The following FANCA variants were observed in gnomAD, a reference collection of about 807,000 sequenced individuals.
The protein encoded by FANCA is Fanconi anemia group A protein.
In FANCA, 236 loss-of-function variants were observed where a neutral mutation model predicts 194.3. The observed-to-expected ratio is 1.21, with a 90% confidence interval of 1.09 to 1.35. The LOEUF is 1.35. FANCA is among the 40% of genes most tolerant of loss of function. The pLI is 0.00. For synonymous variants in FANCA, 1,014 were observed against 715.8 expected, an observed-to-expected ratio of 1.42 and a Z score of -6.65; for missense variants, 2,628 against 1,813.9, an observed-to-expected ratio of 1.45 and a Z score of -8.15.
intron 21 of FANCA, among the ~76,000 whole-genome samples, chr16:89,775,240 G>C (rs1010692573): frequency 6.6e-6 from 1 of 152,140 alleles, no homozygotes; most frequent in African/African-American, 2.4e-5. Context: ...ACTGCTGCCT[G>C]AGTGCAGCCT....
At chr16:89,801,619 G>A (rs953686854) in intron 8 of FANCA, among the ~76,000 whole-genome samples, 1 of 152,126 alleles carries the variant, frequency 6.6e-6, no homozygotes, top group Non-Finnish European at 1.5e-5. Flanking sequence ...ACCAGGCATG[G>A]TGGATCACAT....
chr16:89,763,321 A>G (rs558339746), intron 28 of FANCA, among the ~76,000 whole-genome samples: 57 of 152,270 alleles, frequency 3.7e-4, no homozygotes, highest in African/African-American at 1.3e-3. Context: ...CACACTTGCA[A>G]TCTCAACATA....
rs1467038405 is a variant in FANCA at position 89,767,136 on chromosome 16, C to T, written c.2601+5G>A. On this transcript the variant is annotated splice_donor_5th_base_variant and intron_variant, in intron 27 of 42. Coordinates refer to ENST00000389301, the MANE Select transcript of FANCA (RefSeq NM_000135.4). ...AATGGAAAAATAGGAAAAGAGTGAA[C>T]CTACCTTTTTAATAAGGCCTGGAGA... 4 of 1,603,716 alleles carry T rather than the reference C, an allele frequency of 2.5e-6. No individual in the cohort carries two copies. The highest frequency in any genetic ancestry group is 2.6e-6 in the Non-Finnish European group (3 of 1,170,618).
intron 32 of FANCA, 139 bp downstream of exon 32, chr16:89,749,591 A>G: frequency 9.0e-7 from 1 of 1,108,052 alleles, no homozygotes; most frequent in Non-Finnish European, 1.3e-6. Flanking sequence ...TGTGCCACAG[A>G]AATGGACAGG....
chr16:89,797,984 T>C (rs1218204291), intron 10 of FANCA, among the ~76,000 whole-genome samples: 1 of 152,166 alleles, frequency 6.6e-6, no homozygotes. Context: ...TCTCAGGACA[T>C]CAGTGTGAGT....
chr16:89,807,396 G>C (rs953060588), intron 6 of FANCA, among the ~76,000 whole-genome samples: 1 of 151,816 alleles, frequency 6.6e-6, no homozygotes, highest in African/African-American at 2.4e-5. Flanking sequence ...GGAGGTTGCA[G>C]CGAGCCCAGA....
At chr16:89,775,037 C>A (rs1229316517) in intron 21 of FANCA, among the ~76,000 whole-genome samples, 2 of 151,762 alleles carry the variant, frequency 1.3e-5, no homozygotes, top group Non-Finnish European at 1.5e-5. Context: ...GAGGTTTCAG[C>A]GAGCCAAAAT....
chr16:89,773,213 G>C, intron 22 of FANCA, 58 bp downstream of exon 22: 1 of 1,357,880 alleles, frequency 7.4e-7, no homozygotes, highest in Non-Finnish European at 1.0e-6. Flanking sequence ...CCCAGCCACA[G>C]AGCTCCAACC....
chr16:89,798,673 C>G, intron 10 of FANCA: 1 of 1,270,234 alleles, frequency 7.9e-7, no homozygotes, highest in African/African-American at 1.5e-5. Flanking sequence ...CACATCTCCA[C>G]AGAGCCATGG....
intron 23 of FANCA, among the ~76,000 whole-genome samples, chr16:89,770,992 C>G (rs2039304926): frequency 6.6e-6 from 1 of 152,070 alleles, no homozygotes; most frequent in African/African-American, 2.4e-5. Context: ...TGATGAAACC[C>G]TGTCTTTACT....
chr16:89,738,085 C>A lies in FANCA; in HGVS notation c.*516G>T. On this transcript the variant is annotated 3_prime_UTR_variant, in exon 43 of 43. Coordinates refer to ENST00000389301, the MANE Select transcript of FANCA (RefSeq NM_000135.4). ...CTTTGCCTGTGACCAGTGTGGCCGG[C>A]GGTTTGAGAAGGCCCACAACCTCAA... 6.2e-7 allele frequency: 1 copy of A among 1,614,060 alleles called. No homozygotes were observed. Among genetic ancestry groups the A allele is most frequent in the Non-Finnish European group, 8.5e-7 (1 of 1,180,032 alleles).
chr16:89,778,502 C>T (rs1419293703), intron 20 of FANCA: 1 of 371,400 alleles, frequency 2.7e-6, no homozygotes, highest in African/African-American at 2.2e-5. Flanking sequence ...CAGGCACAGG[C>T]TTGTAATCCC....
intron 21 of FANCA, among the ~76,000 whole-genome samples, chr16:89,775,338 C>T (rs2039464037): frequency 6.6e-6 from 1 of 152,334 alleles, no homozygotes; most frequent in East Asian, 1.9e-4. Context: ...TCTACTCCTA[C>T]CTGCACTGTG....
intron 17 of FANCA, among the ~76,000 whole-genome samples, chr16:89,782,461 A>T (rs1375439280): frequency 6.6e-6 from 1 of 151,664 alleles, no homozygotes; most frequent in Non-Finnish European, 1.5e-5. Context: ...CAGTGAGCCG[A>T]GATTGCGCCA....
chr16:89,739,601 T>C (rs1477414705), intron 39 of FANCA, 48 bp from the exon 40 acceptor site: 1 of 1,541,368 alleles, frequency 6.5e-7, no homozygotes, highest in Middle Eastern at 1.7e-4. Flanking sequence ...TCTCTGCCTA[T>C]TATCAGTGCT....
chr16:89,762,057 G>A (rs1181366439), intron 28 of FANCA, 35 bp from the exon 29 acceptor site: 3 of 1,516,688 alleles, frequency 2.0e-6, no homozygotes, highest in South Asian at 1.1e-5. Flanking sequence ...ATACAATGAG[G>A]ACAGAACACA....
chr16:89,776,293 G>A (rs1335219736), intron 20 of FANCA, among the ~76,000 whole-genome samples: 2 of 145,952 alleles, frequency 1.4e-5, no homozygotes, highest in African/African-American at 5.0e-5. Flanking sequence ...TCACCCTCCC[G>A]AGTAGGTGGG....
In FANCA at chr16:89,764,929, G is replaced by C. The variant is rs1390876848; in HGVS notation, c.2739C>G (p.His913Gln). The C allele has an allele frequency of 3.7e-6, 6 of 1,614,104 alleles. No homozygotes were observed. Among genetic ancestry groups the C allele is most frequent in the African/African-American group, 2.7e-5 (2 of 74,950 alleles). The part of the protein sequence containing the change: ...WQRAALSLWT[H>Q]RTFREVLKEE... The stretch of plus-strand genomic sequence containing the variant: ...CTTTCAACACCTCTCGGAAGGTTCT[G>C]TGTGTCCAGAGAGAGAGGGCAGCTC... Residue 913 changes from histidine (H) to glutamine (Q), a missense_variant, in exon 28 of 43, where the codon CAC becomes CAG. Coordinates refer to ENST00000389301, the MANE Select transcript of FANCA (RefSeq NM_000135.4).
chr16:89,789,100 TA>T (rs1315590665), intron 14 of FANCA, among the ~76,000 whole-genome samples: 2 of 151,886 alleles, frequency 1.3e-5, no homozygotes, highest in East Asian at 3.9e-4. Flanking sequence ...AGCGCCTCAC[TA>T]AAAGGACAGA....
Sources: allele counts gnomAD v4.1 joint callset (sites outside exome capture counted in the v4.1 genomes callset), GRCh38; gene constraint gnomAD v4.1.1; transcripts MANE v1.5; gene names NCBI Gene and HGNC (gene_info 2026-07-23, HGNC 2026-07-21).